TBC1D19: variants seen among roughly 807,000 people sequenced by gnomAD.
TBC1D19 encodes the protein TBC1 domain family, member 19.
TBC1D19 carries 60 observed loss-of-function variants against 89.0 expected under a neutral mutation model. The ratio of observed to expected loss-of-function variants is 0.67; its 90% CI spans 0.55 to 0.84. The LOEUF (loss-of-function observed/expected upper bound fraction) is 0.84. Among genes scored for constraint, TBC1D19 ranks in the 40% least tolerant of loss-of-function variants. TBC1D19 has a pLI of 0.00. For synonymous variants in TBC1D19, 189 were observed against 199.7 expected (o/e 0.95, Z 0.45); for missense variants, 500 against 610.8 (o/e 0.82, Z 1.91).
chr4:26,662,264 A>G (rs1287145833), intron 8 of TBC1D19, among the ~76,000 whole-genome samples: 1 of 152,196 alleles, frequency 6.6e-6, no homozygotes, highest in Non-Finnish European at 1.5e-5. Flanking sequence ...ATTACTCAAA[A>G]CAAGAACAGA....
At chr4:26,603,031 CA>C (rs562344366) in intron 1 of TBC1D19, among the ~76,000 whole-genome samples, 151 of 152,062 alleles carry the variant, frequency 9.9e-4, no homozygotes, top group African/African-American at 3.5e-3. Context: ...GAGTGACTGA[CA>C]AAAAATTATT....
At chr4:26,629,815 A>C (rs190744707) in intron 4 of TBC1D19, among the ~76,000 whole-genome samples, 10 of 152,112 alleles carry the variant, frequency 6.6e-5, no homozygotes, top group African/African-American at 2.2e-4. Flanking sequence ...GCAAAATATA[A>C]AACAACATAA....
intron 19 of TBC1D19, among the ~76,000 whole-genome samples, chr4:26,753,291 T>C (rs1388695349): frequency 6.6e-6 from 1 of 152,218 alleles, no homozygotes; most frequent in Non-Finnish European, 1.5e-5. Context: ...GTCTGTCTAC[T>C]ATATTAGTAA....
Position 26,739,863 on chromosome 4 carries a change from G to T in TBC1D19, c.1118-1G>T. 6.5e-7 allele frequency: 1 copy of T among 1,539,628 alleles called. No individual in the cohort carries two copies. Among genetic ancestry groups the T allele is most frequent in the African/African-American group, 1.4e-5 (1 of 71,370 alleles). On this transcript the variant is annotated splice_acceptor_variant, in intron 16 of 20. Coordinates refer to ENST00000264866, the MANE Select transcript of TBC1D19 (RefSeq NM_018317.4). LOFTEE classifies it high-confidence loss of function. ...ATTATAAATTAATTTTTTTCTTTCA[G>T]TTGCACCACTTTGTTTTCTATACCA...
At chr4:26,656,342 T>C (rs1744803145) in intron 7 of TBC1D19, among the ~76,000 whole-genome samples, 1 of 152,132 alleles carries the variant, frequency 6.6e-6, no homozygotes, top group Non-Finnish European at 1.5e-5. Flanking sequence ...TATTATACTG[T>C]ATTTTATTAT....
chr4:26,620,801 A>G (rs1742000914), intron 4 of TBC1D19, 113 bp downstream of exon 4: 5 of 842,958 alleles, frequency 5.9e-6, no homozygotes, highest in African/African-American at 1.7e-5. Flanking sequence ...ATACTGGGTA[A>G]GAACCACTAA....
At chr4:26,642,961 A>G (rs1743651088) in intron 7 of TBC1D19, among the ~76,000 whole-genome samples, 1 of 152,170 alleles carries the variant, frequency 6.6e-6, no homozygotes, top group Non-Finnish European at 1.5e-5. Context: ...AGAGACTTAG[A>G]CTCCCACACA....
At chr4:26,610,100 G>T (rs1278569974) in intron 1 of TBC1D19, among the ~76,000 whole-genome samples, 1 of 152,106 alleles carries the variant, frequency 6.6e-6, no homozygotes, top group Non-Finnish European at 1.5e-5. Flanking sequence ...TTTAGAGGTG[G>T]TTGCAGTAAT....
At chr4:26,675,202 ACTGT>A (rs1712692197) in intron 11 of TBC1D19, among the ~76,000 whole-genome samples, 1 of 152,080 alleles carries the variant, frequency 6.6e-6, no homozygotes, top group African/African-American at 2.4e-5. Context: ...TGCCAACTTA[ACTGT>A]ATAGAAATTG....
At chr4:26,787,614 G>A in the TBC1D19 span, among the ~76,000 whole-genome samples, 1 of 152,154 alleles carries the variant, frequency 6.6e-6, no homozygotes, top group African/African-American at 2.4e-5. Context: ...CCACAAGTTT[G>A]TGGGGCTGGA....
chr4:26,606,083 C>T (rs914933552), intron 1 of TBC1D19, among the ~76,000 whole-genome samples: 2 of 152,092 alleles, frequency 1.3e-5, no homozygotes, highest in African/African-American at 4.8e-5. Flanking sequence ...TCCTGGATTC[C>T]AGTGACCCTC....
chr4:26,837,565 TCA>T, the TBC1D19 span, among the ~76,000 whole-genome samples: 973 of 152,338 alleles, frequency 6.4e-3, 7 homozygotes, highest in Admixed American at 0.013. Flanking sequence ...CTTGGAGTTT[TCA>T]CATATGTGAT....
intron 15 of TBC1D19, among the ~76,000 whole-genome samples, chr4:26,731,984 G>A (rs1717689883): frequency 6.6e-6 from 1 of 152,126 alleles, no homozygotes; most frequent in African/African-American, 2.4e-5. Flanking sequence ...TGTTTGATGG[G>A]AAAGTAGGGT....
intron 20 of TBC1D19, 120 bp from the exon 21 acceptor site, chr4:26,754,753 A>G (rs532394187): frequency 5.6e-6 from 4 of 709,268 alleles, no homozygotes; most frequent in Admixed American, 3.5e-5. Flanking sequence ...TAGCTTTAGT[A>G]TTAAGATTTA....
chr4:26,635,958 C>T (rs968267182), intron 4 of TBC1D19, among the ~76,000 whole-genome samples: 1 of 151,996 alleles, frequency 6.6e-6, no homozygotes, highest in African/African-American at 2.4e-5. Context: ...GTTGAAGAAG[C>T]TATGAATAAT....
chr4:26,836,974 A>G, the TBC1D19 span, among the ~76,000 whole-genome samples: 64 of 152,254 alleles, frequency 4.2e-4, no homozygotes, highest in East Asian at 6.6e-3. Flanking sequence ...GTGGGAGTCT[A>G]TTTTCGAGCC....
At chr4:26,725,527 T>G (rs776362274) in intron 15 of TBC1D19, among the ~76,000 whole-genome samples, 14 of 152,112 alleles carry the variant, frequency 9.2e-5, no homozygotes, top group Non-Finnish European at 1.8e-4. Context: ...TCCTCCCACC[T>G]CAGCCTCCCA....
In TBC1D19 at chr4:26,659,658, A is replaced by AT; in HGVS notation, c.545dup (p.Leu182PhefsTer15). The AT allele has an allele frequency of 1.3e-6, 2 of 1,595,994 alleles. No homozygotes were observed. Among genetic ancestry groups the AT allele is most frequent in the East Asian group, 4.5e-5 (2 of 44,522 alleles). ...GGTGATTCTCTTAGTTTCAGGACTC[A>AT]TTTGGGTTTAATTCAAGTTCCACTG... is the stretch of plus-strand genomic sequence containing the variant. On this transcript the variant is annotated frameshift_variant, in exon 8 of 21. Coordinates refer to ENST00000264866, the MANE Select transcript of TBC1D19 (RefSeq NM_018317.4). LOFTEE classifies it high-confidence loss of function.
At chr4:26,604,705 G>C (rs1740864129) in intron 1 of TBC1D19, among the ~76,000 whole-genome samples, 1 of 150,796 alleles carries the variant, frequency 6.6e-6, no homozygotes, top group South Asian at 2.1e-4. Context: ...GAAACCCTGT[G>C]TCTACTAAAA....
Sources: allele counts gnomAD v4.1 joint callset (sites outside exome capture counted in the v4.1 genomes callset), GRCh38; gene constraint gnomAD v4.1.1; transcripts MANE v1.5; gene names NCBI Gene and HGNC (gene_info 2026-07-23, HGNC 2026-07-21).